DNAAF4: variants seen among roughly 807,000 people sequenced by gnomAD.
The protein encoded by DNAAF4 is dynein axonemal assembly factor 4.
Under a neutral mutation model 51.8 loss-of-function variants are expected in DNAAF4, and 43 were observed. The observed-to-expected ratio is 0.83, with a 90% CI of 0.65 to 1.07. The LOEUF is 1.07. Ranked by LOEUF, DNAAF4 falls within the 50% of genes least tolerant of loss-of-function variation. DNAAF4 has a pLI of 0.00. For missense variants in DNAAF4, 581 were observed against 493.0 expected, an observed-to-expected ratio of 1.18 and a Z score of -1.69; for synonymous variants, 194 against 165.6, an observed-to-expected ratio of 1.17 and a Z score of -1.32.
intron 4 of DNAAF4, among the ~76,000 whole-genome samples, chr15:55,468,334 G>C (rs2058199634): frequency 6.6e-6 from 1 of 152,116 alleles, no homozygotes; most frequent in Non-Finnish European, 1.5e-5. Flanking sequence ...TTTCCTGTGA[G>C]ATGCTGACTT....
intron 1 of DNAAF4, among the ~76,000 whole-genome samples, chr15:55,501,283 C>G (rs1024278624): frequency 4.0e-5 from 6 of 151,584 alleles, no homozygotes; most frequent in African/African-American, 1.5e-4. Context: ...AAGATGGTCT[C>G]GATCTCCTGA....
At chr15:55,421,005 A>G (rs1268731615) in intron 7 of DNAAF4, among the ~76,000 whole-genome samples, 2 of 151,910 alleles carry the variant, frequency 1.3e-5, no homozygotes, top group Admixed American at 1.3e-4. Context: ...CCTAGCCAAC[A>G]TGACAAAACC....
rs8025548 is a variant in DNAAF4 at position 55,422,953 on chromosome 15, C to T, written c.1048-4820G>A. Among the ~76,000 whole-genome samples, 1,193 of 152,008 alleles carry T rather than the reference C, an allele frequency of 7.8e-3. 13 individuals carry two copies. The highest frequency in any genetic ancestry group is 0.024 in the African/African-American group (1,002 of 41,482). On this transcript the variant is annotated intron_variant, in intron 7 of 7. Coordinates refer to the DNAAF4 transcript ENST00000448430. ...CAGAGTTTGCAATGAGCCAAGATCA[C>T]GACATTGCACTCCAGCCTGGGTGAC...
At chr15:55,451,863 C>T (rs994594421) in intron 5 of DNAAF4, among the ~76,000 whole-genome samples, 5 of 152,116 alleles carry the variant, frequency 3.3e-5, no homozygotes, top group Non-Finnish European at 7.4e-5. Context: ...TCAAGCAATC[C>T]TCCCATCTTG....
At chr15:55,473,198 AATATATAT>A (rs1555418732) in intron 4 of DNAAF4, among the ~76,000 whole-genome samples, 2 of 75,750 alleles carry the variant, frequency 2.6e-5, no homozygotes, top group African/African-American at 1.1e-4. Flanking sequence ...AAAAAAAAAA[AATATATAT>A]ATATATATAT....
chr15:55,497,728 G>T lies in DNAAF4; in HGVS notation c.255C>A (p.Thr85=), dbSNP rs1303568671. 2 of 1,610,934 alleles carry T rather than the reference G, an allele frequency of 1.2e-6. No individual in the cohort carries two copies. The highest frequency in any genetic ancestry group is 1.7e-6 in the Non-Finnish European group (2 of 1,179,014). The change falls in exon 3 of 10, where the codon ACC becomes ACA. Residue 85 remains threonine (T), a synonymous_variant. Transcript: ENST00000321149. ...AGAACTTACCACCCGTCACAGAAAG[G>T]GTCTCCCACATGGCCGCTTCTTTTT... ...LYKKEAAMWE[T]LSVTGVDKEM...
At chr15:55,453,276 T>TCATA (rs2057964240) in intron 5 of DNAAF4, among the ~76,000 whole-genome samples, 1 of 152,174 alleles carries the variant, frequency 6.6e-6, no homozygotes, top group Non-Finnish European at 1.5e-5. Flanking sequence ...TGATATTTCC[T>TCATA]CATACATACA....
chr15:55,445,254 T>C (rs1305459415), intron 6 of DNAAF4, among the ~76,000 whole-genome samples: 1 of 152,028 alleles, frequency 6.6e-6, no homozygotes, highest in Non-Finnish European at 1.5e-5. Context: ...TTAACGAGCA[T>C]GCTGCCTTCA....
chr15:55,489,976 C>A (rs557369746), intron 4 of DNAAF4, among the ~76,000 whole-genome samples: 27 of 151,292 alleles, frequency 1.8e-4, no homozygotes, highest in African/African-American at 6.1e-4. Context: ...TGGGTTCAAG[C>A]GATTTTCCTG....
At chr15:55,468,151 T>C (rs924503476) in intron 4 of DNAAF4, among the ~76,000 whole-genome samples, 1 of 152,194 alleles carries the variant, frequency 6.6e-6, no homozygotes, top group Non-Finnish European at 1.5e-5. Flanking sequence ...TTAATTTACA[T>C]TTAAATAGGA....
intron 6 of DNAAF4, chr15:55,443,140 G>A: frequency 6.2e-7 from 1 of 1,610,642 alleles, no homozygotes; most frequent in South Asian, 1.1e-5. Flanking sequence ...ACGTTTCCAG[G>A]AGCCGTCTTC....
chr15:55,450,102 CGTTATTTCTTTAGT>C, intron 6 of DNAAF4, 106 bp downstream of exon 6: 1 of 1,130,014 alleles, frequency 8.8e-7, no homozygotes, highest in Non-Finnish European at 1.2e-6. Flanking sequence ...ATATTCATGA[CGTTATTTCTTTAGT>C]GTAATAAATA....
chr15:55,435,536 A>G (rs1473644456), intron 7 of DNAAF4, among the ~76,000 whole-genome samples: 1 of 152,356 alleles, frequency 6.6e-6, no homozygotes, highest in Non-Finnish European at 1.5e-5. Flanking sequence ...TATGAAAGGA[A>G]TAAAAAGGCA....
chr15:55,444,654 G>A (rs147705811), intron 6 of DNAAF4, among the ~76,000 whole-genome samples: 13 of 152,192 alleles, frequency 8.5e-5, no homozygotes, highest in South Asian at 4.1e-4. Flanking sequence ...CCATTTTTAC[G>A]ATATTGATTC....
At chr15:55,446,511 G>C (rs1368345823) in intron 6 of DNAAF4, among the ~76,000 whole-genome samples, 2 of 147,514 alleles carry the variant, frequency 1.4e-5, no homozygotes, top group African/African-American at 2.5e-5. Context: ...GCCAGGCAGA[G>C]GTGCTCCTCA....
chr15:55,483,058 G>A (rs2058433799), intron 4 of DNAAF4, among the ~76,000 whole-genome samples: 3 of 152,064 alleles, frequency 2.0e-5, no homozygotes, highest in African/African-American at 7.2e-5. Flanking sequence ...GGGAAAAGTA[G>A]GGAGTGACTG....
intron 6 of DNAAF4, among the ~76,000 whole-genome samples, chr15:55,440,244 G>T (rs1266171657): frequency 6.6e-6 from 1 of 151,612 alleles, no homozygotes; most frequent in Non-Finnish European, 1.5e-5. Flanking sequence ...GTAGAGACAG[G>T]GTTTCACTAT....
rs2057735691 is a variant in DNAAF4 at position 55,442,839 on chromosome 15, C to T, written c.784-3258G>A. ...TGAGATTGGCAGTCATGACGATTCC[C>T]CCAGCCATCATTGCACACATACCAA... On this transcript the variant is annotated intron_variant, in intron 6 of 9. Transcript: ENST00000321149. The T allele has an allele frequency of 3.1e-6, 5 of 1,612,908 alleles. No homozygotes were observed. The African/African-American group carries it at 4.0e-5, about 13-fold the overall frequency.
intron 2 of DNAAF4, 71 bp from the exon 3 acceptor site, chr15:55,497,930 A>C (rs2058662511): frequency 6.5e-7 from 1 of 1,531,002 alleles, no homozygotes; most frequent in Admixed American, 2.1e-5. Flanking sequence ...GAAACACGTG[A>C]AAAAGGTAAA....
Sources: gnomAD v4.1 joint callset for allele counts (sites outside exome capture counted in the v4.1 genomes callset) on GRCh38, gnomAD v4.1.1 for gene constraint, MANE v1.5 for transcripts, NCBI Gene and HGNC (gene_info 2026-07-23, HGNC 2026-07-21) for gene names.